CEP128: variants seen among roughly 807,000 people sequenced by gnomAD.
The protein encoded by CEP128 is centrosomal protein 128.
Under a neutral mutation model 156.7 loss-of-function variants are expected in CEP128, and 132 were observed. The observed-to-expected ratio is 0.84, with a 90% CI of 0.73 to 0.97. CEP128 has a LOEUF of 0.97. Among genes scored for constraint, CEP128 ranks in the 50% least tolerant of loss-of-function variants. The pLI, the probability that CEP128 is intolerant of heterozygous loss-of-function variation, is 0.00. For missense variants in CEP128, 1,252 were observed against 1,281.9 expected, an observed-to-expected ratio of 0.98 and a Z score of 0.36; for synonymous variants, 469 against 448.9, an observed-to-expected ratio of 1.04 and a Z score of -0.57.
At chr14:80,933,886 T>C (rs946733617) in intron 2 of CEP128, among the ~76,000 whole-genome samples, 14 of 152,232 alleles carry the variant, frequency 9.2e-5, no homozygotes, top group Admixed American at 3.9e-4. Flanking sequence ...TCTGCATATG[T>C]GAAGAAAGAG....
intron 14 of CEP128, among the ~76,000 whole-genome samples, chr14:80,482,183 G>A (rs1005635234): frequency 1.1e-4 from 16 of 152,044 alleles, no homozygotes; most frequent in East Asian, 5.8e-4. Flanking sequence ...CAGCAGAAAT[G>A]CTACTTCCTT....
At chr14:80,705,188 G>C (rs1001444650) in intron 19 of CEP128, among the ~76,000 whole-genome samples, 7 of 151,776 alleles carry the variant, frequency 4.6e-5, no homozygotes, top group Non-Finnish European at 7.4e-5. Context: ...GTTTGGACTG[G>C]AATCATGCAA....
chr14:80,493,998 T>C (rs1160720466), downstream of CEP128, among the ~76,000 whole-genome samples: 2 of 152,230 alleles, frequency 1.3e-5, no homozygotes, highest in African/African-American at 4.8e-5. Flanking sequence ...CATGTAAGCA[T>C]TTCTTCCAGC....
intron 8 of CEP128, among the ~76,000 whole-genome samples, chr14:80,892,587 G>A (rs1889153408): frequency 6.6e-6 from 1 of 151,810 alleles, no homozygotes; most frequent in Admixed American, 6.6e-5. Context: ...TACAGCAAAA[G>A]ATATAATCAA....
chr14:80,911,767 T>C (rs1884229641), intron 4 of CEP128, among the ~76,000 whole-genome samples: 1 of 152,262 alleles, frequency 6.6e-6, no homozygotes, highest in Non-Finnish European at 1.5e-5. Flanking sequence ...TTTATCATTA[T>C]GATTAAAGGC....
chr14:80,788,753 T>A (rs1156981747), intron 14 of CEP128, among the ~76,000 whole-genome samples: 1 of 152,118 alleles, frequency 6.6e-6, no homozygotes, highest in African/African-American at 2.4e-5. Flanking sequence ...CGGTCAACCC[T>A]ACAATTTAGG....
chr14:80,899,344 T>C (rs1042940351), intron 7 of CEP128, among the ~76,000 whole-genome samples: 1 of 152,182 alleles, frequency 6.6e-6, no homozygotes, highest in Non-Finnish European at 1.5e-5. Flanking sequence ...AAATCTTTGT[T>C]TTTCAGCAAA....
At chr14:80,538,019 C>G (rs144711469) in intron 21 of CEP128, among the ~76,000 whole-genome samples, 1 of 152,122 alleles carries the variant, frequency 6.6e-6, no homozygotes, top group African/African-American at 2.4e-5. Flanking sequence ...TATTATTCTA[C>G]GCCCACAGAA....
intron 19 of CEP128, among the ~76,000 whole-genome samples, chr14:80,717,865 A>T (rs1352118117): frequency 1.3e-5 from 2 of 152,082 alleles, no homozygotes; most frequent in African/African-American, 4.8e-5. Context: ...CCCAGGCTGG[A>T]GTGCAGTGGC....
At chr14:80,722,284 G>A (rs1056264029) in intron 19 of CEP128, among the ~76,000 whole-genome samples, 1 of 152,064 alleles carries the variant, frequency 6.6e-6, no homozygotes, top group Non-Finnish European at 1.5e-5. Flanking sequence ...CTATGAACAG[G>A]ATCACCACTG....
chr14:80,887,405 G>A (rs1027846945), intron 8 of CEP128, among the ~76,000 whole-genome samples: 9 of 152,122 alleles, frequency 5.9e-5, no homozygotes, highest in Non-Finnish European at 1.3e-4. Context: ...AAATGCAAAA[G>A]AATGGAAATC....
intron 19 of CEP128, among the ~76,000 whole-genome samples, chr14:80,618,203 A>G (rs551116611): frequency 1.3e-5 from 2 of 152,308 alleles, no homozygotes; most frequent in East Asian, 1.9e-4. Flanking sequence ...CTTTCCATCA[A>G]TTTTATTCCA....
At chr14:80,754,781 G>A (rs1899568133) in intron 18 of CEP128, among the ~76,000 whole-genome samples, 1 of 152,008 alleles carries the variant, frequency 6.6e-6, no homozygotes, top group Admixed American at 6.6e-5. Flanking sequence ...CATTTTTTAT[G>A]CCCACAGCAT....
At chr14:80,480,233 T>C (rs1887024907) in intron 14 of CEP128, among the ~76,000 whole-genome samples, 1 of 152,218 alleles carries the variant, frequency 6.6e-6, no homozygotes, top group Non-Finnish European at 1.5e-5. Flanking sequence ...TCTTCTGCAC[T>C]GCCCTAGCAG....
At chr14:80,733,758 AT>A (rs1159251910) in intron 19 of CEP128, among the ~76,000 whole-genome samples, 4 of 152,044 alleles carry the variant, frequency 2.6e-5, no homozygotes, top group Non-Finnish European at 4.4e-5. Flanking sequence ...GCATATGTTT[AT>A]TTTCAGCAAC....
intron 9 of CEP128, among the ~76,000 whole-genome samples, chr14:80,854,350 T>C (rs76253342): frequency 0.021 from 3,166 of 151,978 alleles, 39 homozygotes; most frequent in Middle Eastern, 0.068. Flanking sequence ...CCAGAAAACA[T>C]TGGCAAAAAA....
intron 18 of CEP128, among the ~76,000 whole-genome samples, chr14:80,750,008 T>A (rs767135459): frequency 2.0e-5 from 3 of 152,144 alleles, no homozygotes; most frequent in Non-Finnish European, 2.9e-5. Flanking sequence ...ATAAAAGATA[T>A]GACATTTACA....
In CEP128 at chr14:80,737,131, T is replaced by C. The variant is rs578069665; in HGVS notation, c.2806+5944A>G. On this transcript the variant is annotated intron_variant, in intron 19 of 24. Coordinates refer to ENST00000555265, the MANE Select transcript of CEP128 (RefSeq NM_152446.5). ...TTGTTAAAAACAATTATAGGCTGGG[T>C]GCAGTGGCTCATGCCTGTAATCCCA... Among the ~76,000 whole-genome samples, 5 of 152,268 alleles carry C rather than the reference T, an allele frequency of 3.3e-5. No individual in the cohort carries two copies. In the South Asian group the frequency reaches 6.2e-4, roughly 19 times the overall value.
intron 21 of CEP128, among the ~76,000 whole-genome samples, chr14:80,557,047 C>A (rs1304355051): frequency 6.6e-6 from 1 of 152,140 alleles, no homozygotes; most frequent in Non-Finnish European, 1.5e-5. Flanking sequence ...TATCAAAAAA[C>A]TACTGCTGTT....
Sources: gnomAD v4.1 joint callset for allele counts (sites outside exome capture counted in the v4.1 genomes callset) on GRCh38, gnomAD v4.1.1 for gene constraint, MANE v1.5 for transcripts, NCBI Gene and HGNC (gene_info 2026-07-23, HGNC 2026-07-21) for gene names.